The following SVEP1 variants were observed in gnomAD, a reference collection of about 807,000 sequenced individuals.
SVEP1 encodes the protein sushi, von Willebrand factor type A, EGF and pentraxin domain containing 1.
Under a neutral mutation model 367.3 loss-of-function variants are expected in SVEP1, and 164 were observed. The observed-to-expected ratio is 0.45, with a 90% CI of 0.39 to 0.51. The LOEUF (loss-of-function observed/expected upper bound fraction) is 0.51, where lower values mean the gene tolerates loss of function less well. Ranked by LOEUF, SVEP1 falls within the 20% of genes least tolerant of loss-of-function variation. The probability of loss-of-function intolerance (pLI) is 0.00; values close to 1 mark genes in which losing one functional copy is unlikely to be tolerated. For missense variants in SVEP1, 4,117 were observed against 4,425.3 expected (o/e 0.93, Z 1.98); for synonymous variants, 1,666 against 1,611.6 (o/e 1.03, Z -0.81).
chr9:110,504,081 G>A (rs934474829), intron 5 of SVEP1, among the ~76,000 whole-genome samples: 8 of 151,478 alleles, frequency 5.3e-5, no homozygotes, highest in Admixed American at 1.3e-4. Context: ...TTGAGATGGA[G>A]TCTCACTCTG....
At chr9:110,448,140 TGTGTGTGTGCGC>T (rs982574756) in intron 24 of SVEP1, among the ~76,000 whole-genome samples, 14 of 70,990 alleles carry the variant, frequency 2.0e-4, no homozygotes, top group African/African-American at 7.6e-4. Flanking sequence ...TGTGTGTGTG[TGTGTGTGTGCGC>T]GTGTGTGTGT....
rs1172661211 is a variant in SVEP1 at position 110,377,370 on chromosome 9, G to A, written c.10409-4C>T. 2 of 1,613,552 alleles carry A rather than the reference G, an allele frequency of 1.2e-6. No homozygotes were observed. The highest frequency in any genetic ancestry group is 1.3e-5 in the African/African-American group (1 of 75,058). On this transcript the variant is annotated splice_region_variant and splice_polypyrimidine_tract_variant and intron_variant, in intron 44 of 47. Transcript: ENST00000374469. ...TGACATGGAAATCGACAGACAGCTG[G>A]AAAAGAAGCAGGATGGGTCACAAAT...
At chr9:110,404,278 A>G (rs759970415) in intron 39 of SVEP1, 49 bp downstream of exon 39, 2 of 1,555,896 alleles carry the variant, frequency 1.3e-6, no homozygotes, top group South Asian at 1.1e-5. Flanking sequence ...TTGCTTGGCA[A>G]TATATGTATA....
chr9:110,483,245 G>C (rs924310416), intron 10 of SVEP1, among the ~76,000 whole-genome samples: 5 of 152,006 alleles, frequency 3.3e-5, no homozygotes, highest in African/African-American at 1.2e-4. Context: ...TGAATATATA[G>C]ATGTGCAGTA....
At chr9:110,395,015 C>A (rs886692950) in intron 40 of SVEP1, among the ~76,000 whole-genome samples, 3 of 152,168 alleles carry the variant, frequency 2.0e-5, no homozygotes, top group African/African-American at 7.2e-5. Flanking sequence ...CACAAAGATA[C>A]TCCTTGAGAA....
intron 34 of SVEP1, 134 bp downstream of exon 34, chr9:110,429,786 T>C: frequency 1.5e-6 from 1 of 678,496 alleles, no homozygotes; most frequent in Non-Finnish European, 2.5e-6. Flanking sequence ...ACACTATGTA[T>C]CATTCGATTA....
At chr9:110,496,793 C>T (rs948424319) in intron 8 of SVEP1, 22 bp downstream of exon 8, 4 of 1,490,764 alleles carry the variant, frequency 2.7e-6, no homozygotes, top group Non-Finnish European at 3.7e-6. Context: ...GAAAAGGATG[C>T]ACATAATTGC....
At chr9:110,555,266 A>G (rs903782590) in intron 1 of SVEP1, among the ~76,000 whole-genome samples, 5 of 152,150 alleles carry the variant, frequency 3.3e-5, no homozygotes, top group African/African-American at 4.8e-5. Flanking sequence ...GATATTCTCA[A>G]TAGTGCCGGG....
chr9:110,566,896 G>T (rs1339872205), intron 1 of SVEP1, among the ~76,000 whole-genome samples: 1 of 152,180 alleles, frequency 6.6e-6, no homozygotes, highest in Admixed American at 6.5e-5. Flanking sequence ...ATCACAATTT[G>T]TGGGAAAACA....
intron 1 of SVEP1, among the ~76,000 whole-genome samples, chr9:110,566,128 G>C (rs1009877831): frequency 6.6e-6 from 1 of 151,798 alleles, no homozygotes; most frequent in Non-Finnish European, 1.5e-5. Flanking sequence ...GACCAGCCTG[G>C]GCAACATGGC....
chr9:110,390,281 A>AAGTATGTG (rs1554710756), intron 40 of SVEP1, among the ~76,000 whole-genome samples: 3,273 of 84,734 alleles, frequency 0.039, 308 homozygotes, highest in Non-Finnish European at 0.055. Flanking sequence ...ATACTTATAT[A>AAGTATGTG]TATACATACT....
At chr9:110,454,299 A>T (rs1828743393) in intron 22 of SVEP1, among the ~76,000 whole-genome samples, 1 of 152,178 alleles carries the variant, frequency 6.6e-6, no homozygotes, top group Non-Finnish European at 1.5e-5. Context: ...CAATGTCAAG[A>T]AGGGTATTCC....
intron 1 of SVEP1, among the ~76,000 whole-genome samples, chr9:110,576,659 A>G (rs1330531972): frequency 6.6e-6 from 1 of 152,094 alleles, no homozygotes. Flanking sequence ...CAGTGTTTCT[A>G]TACGTCAAGA....
At chr9:110,512,434 T>C (rs1252115881) in intron 5 of SVEP1, among the ~76,000 whole-genome samples, 1 of 152,078 alleles carries the variant, frequency 6.6e-6, no homozygotes, top group Non-Finnish European at 1.5e-5. Flanking sequence ...GTGCCCACTT[T>C]CTATTGGCCT....
intron 19 of SVEP1, 80 bp downstream of exon 19, chr9:110,458,872 T>C (rs1828815568): frequency 3.9e-6 from 6 of 1,522,142 alleles, no homozygotes; most frequent in Non-Finnish European, 4.5e-6. Context: ...AATAGTAATA[T>C]TCAGAACTGA....
chr9:110,375,779 G>C (rs1275549007), intron 45 of SVEP1, among the ~76,000 whole-genome samples: 1 of 152,164 alleles, frequency 6.6e-6, no homozygotes, highest in Non-Finnish European at 1.5e-5. Flanking sequence ...TAAGCAGAAC[G>C]GTCTCCATTT....
chr9:110,546,048 C>T, intron 3 of SVEP1, 67 bp downstream of exon 3: 3 of 1,511,762 alleles, frequency 2.0e-6, no homozygotes, highest in Non-Finnish European at 2.7e-6. Flanking sequence ...TTCCTTATAG[C>T]CATTGCATTT....
In SVEP1 at chr9:110,443,675, G is replaced by A; in HGVS notation, c.4509C>T (p.Pro1503=). 1.2e-6 allele frequency: 2 copies of A among 1,610,778 alleles called. No homozygotes were observed. The highest frequency in any genetic ancestry group is 1.7e-6 in the Non-Finnish European group (2 of 1,178,508). The change falls in exon 27 of 48, where the codon CCC becomes CCT. Residue 1503 remains proline (P), a synonymous_variant. Coordinates refer to ENST00000374469, the MANE Select transcript of SVEP1 (RefSeq NM_153366.4). ...VNGREKITNC[P]SVNDGRWHHI... ...GATGCCATCTGCCATCATTCACCGA[G>A]GGACAGTTTGTTATCTTTTCCCTGC...
chr9:110,543,079 G>C (rs908883083), intron 3 of SVEP1, among the ~76,000 whole-genome samples: 1 of 151,768 alleles, frequency 6.6e-6, no homozygotes, highest in Non-Finnish European at 1.5e-5. Flanking sequence ...CTTTCTGAAA[G>C]GAGAGTCTGG....
Sources: gnomAD v4.1 joint callset for allele counts (sites outside exome capture counted in the v4.1 genomes callset) on GRCh38, gnomAD v4.1.1 for gene constraint, MANE v1.5 for transcripts, NCBI Gene and HGNC (gene_info 2026-07-23, HGNC 2026-07-21) for gene names.